The following PIBF1 variants were observed in gnomAD, a reference collection of about 807,000 sequenced individuals.
PIBF1 encodes the protein progesterone-induced-blocking factor 1.
A neutral mutation model predicts 112.5 loss-of-function variants in PIBF1; 90 were observed. That is an observed-to-expected ratio of 0.80 (90% confidence interval 0.67 to 0.95). PIBF1 has a LOEUF of 0.95. Ranked by LOEUF, PIBF1 falls within the 40% of genes least tolerant of loss-of-function variation. The pLI is 0.00. For synonymous variants in PIBF1, 301 were observed against 288.6 expected, an observed-to-expected ratio of 1.04 and a Z score of -0.44; for missense variants, 915 against 852.3, an observed-to-expected ratio of 1.07 and a Z score of -0.92.
intron 10 of PIBF1, 102 bp from the exon 11 acceptor site, chr13:72,893,682 C>T: frequency 3.3e-6 from 2 of 608,912 alleles, no homozygotes; most frequent in Non-Finnish European, 5.2e-6. Flanking sequence ...TTATTAACTC[C>T]ACAAATATGG....
At chr13:72,983,448 A>C (rs1411261987) in intron 16 of PIBF1, among the ~76,000 whole-genome samples, 2 of 152,226 alleles carry the variant, frequency 1.3e-5, no homozygotes, top group African/African-American at 4.8e-5. Context: ...AGTACTTAGA[A>C]TGTACAAGGC....
intron 16 of PIBF1, among the ~76,000 whole-genome samples, chr13:72,983,230 G>A (rs1330326305): frequency 6.6e-6 from 1 of 152,020 alleles, no homozygotes; most frequent in African/African-American, 2.4e-5. Flanking sequence ...AGCCCAGGAG[G>A]TCAAGGCTGC....
At chr13:72,981,579 A>G (rs968067988) in intron 16 of PIBF1, among the ~76,000 whole-genome samples, 3 of 151,952 alleles carry the variant, frequency 2.0e-5, no homozygotes, top group Non-Finnish European at 4.4e-5. Context: ...GATGTTTTCT[A>G]ATAGAAAGAG....
intron 16 of PIBF1, among the ~76,000 whole-genome samples, chr13:72,983,894 T>G (rs952733667): frequency 6.6e-6 from 1 of 152,228 alleles, no homozygotes; most frequent in South Asian, 2.1e-4. Flanking sequence ...TAATTTTTCT[T>G]TAAATGAAAA....
intron 15 of PIBF1, among the ~76,000 whole-genome samples, chr13:72,967,524 A>G (rs1394160918): frequency 1.3e-5 from 2 of 152,178 alleles, no homozygotes; most frequent in Non-Finnish European, 2.9e-5. Context: ...TCAATTTTAT[A>G]TCTGTCTGCT....
At chr13:72,971,871 G>A (rs1214906593) in intron 15 of PIBF1, among the ~76,000 whole-genome samples, 1 of 151,136 alleles carries the variant, frequency 6.6e-6, no homozygotes, top group Non-Finnish European at 1.5e-5. Flanking sequence ...TCGATTACTT[G>A]GAAGGAGAAG....
rs2039050286 is a variant in PIBF1 at position 72,869,162 on chromosome 13, C to T, written c.1322+15007C>T. 2.6e-5 allele frequency among the ~76,000 whole-genome samples: 4 copies of T among 152,274 alleles called. No homozygotes were observed. In the South Asian group the frequency reaches 8.3e-4, roughly 32 times the overall value. ...ATTCATGCTGCTATAAAGACACATG[C>T]ACACGTATGTTTATCACGGCATTAT... On this transcript the variant is annotated intron_variant, in intron 10 of 17. Transcript: ENST00000326291.
intron 8 of PIBF1, among the ~76,000 whole-genome samples, chr13:72,830,562 G>T (rs1388533562): frequency 6.6e-6 from 1 of 152,070 alleles, no homozygotes; most frequent in Non-Finnish European, 1.5e-5. Flanking sequence ...TTCTGTTTAT[G>T]TGATGGATTA....
At chr13:72,783,797 CA>C in intron 2 of PIBF1, 76 bp downstream of exon 2, 1 of 1,231,378 alleles carries the variant, frequency 8.1e-7, no homozygotes, top group Non-Finnish European at 1.2e-6. Flanking sequence ...ATTAAATACA[CA>C]CATTATCTGA....
chr13:72,962,524 A>T (rs753171624), intron 14 of PIBF1, among the ~76,000 whole-genome samples: 1 of 151,794 alleles, frequency 6.6e-6, no homozygotes, highest in Non-Finnish European at 1.5e-5. Context: ...ACTTGAGCCC[A>T]GGAGGTAGGC....
At chr13:72,877,189 A>C (rs919694564) in intron 10 of PIBF1, among the ~76,000 whole-genome samples, 1 of 152,050 alleles carries the variant, frequency 6.6e-6, no homozygotes, top group Non-Finnish European at 1.5e-5. Flanking sequence ...ACATTAATTG[A>C]TTTTCAAATT....
intron 17 of PIBF1, among the ~76,000 whole-genome samples, chr13:73,008,195 C>A (rs1046119259): frequency 6.6e-6 from 1 of 152,050 alleles, no homozygotes; most frequent in South Asian, 2.1e-4. Flanking sequence ...GTTCACCAAT[C>A]GAAGGATTGA....
At chr13:72,996,516 A>G (rs2043677877) in intron 16 of PIBF1, among the ~76,000 whole-genome samples, 1 of 152,210 alleles carries the variant, frequency 6.6e-6, no homozygotes, top group Non-Finnish European at 1.5e-5. Flanking sequence ...AGCCAGGTGC[A>G]GTGGCTCATG....
chr13:72,971,488 A>G lies in PIBF1; in HGVS notation c.1965-2103A>G, dbSNP rs565892608. Reference sequence around the variant, plus strand: ...CCTTTATACTGTTTTGTTCTTTTCAACTCCTCAGCTCTTGTGGGATCTCTG... The same window carrying G: ...CCTTTATACTGTTTTGTTCTTTTCAGCTCCTCAGCTCTTGTGGGATCTCTG... On this transcript the variant is annotated intron_variant, in intron 15 of 17. Coordinates refer to ENST00000326291, the MANE Select transcript of PIBF1 (RefSeq NM_006346.4). Among the ~76,000 whole-genome samples the G allele has an allele frequency of 6.7e-4, 102 of 151,662 alleles. 2 individuals are homozygous for G. The highest frequency in any genetic ancestry group is 7.5e-4 in the Non-Finnish European group (51 of 67,900).
chr13:72,827,155 A>T, intron 7 of PIBF1, 37 bp downstream of exon 7: 2 of 1,046,978 alleles, frequency 1.9e-6, no homozygotes, highest in Non-Finnish European at 2.7e-6. Flanking sequence ...ATTATATAGC[A>T]TAGTATTAGT....
At position 72,827,039 on chromosome 13, in the gene PIBF1, T is replaced by C. The variant is rs1383700515; in HGVS notation, c.836T>C (p.Ile279Thr). ...CGTGATGCACTTGAACAGGAAGTAA[T>C]TGAGCTTAGGAGAAAACATGAAATA... ...SERDALEQEV[I>T]ELRRKHEILE... is the part of the protein sequence containing the mutation. The change falls in exon 7 of 18, where the codon ATT becomes ACT. Residue 279 changes from isoleucine to threonine, a missense_variant. Transcript: ENST00000326291. The C allele has an allele frequency of 6.2e-7, 1 of 1,600,624 alleles. No individual in the cohort carries two copies. The highest frequency in any genetic ancestry group is 2.2e-5 in the East Asian group (1 of 44,554).
At position 72,927,984 on chromosome 13, in the gene PIBF1, T is replaced by C. The variant is rs374506013; in HGVS notation, c.1731-3181T>C. Among the ~76,000 whole-genome samples, 58 of 62,934 alleles carry C rather than the reference T, an allele frequency of 9.2e-4. 3 individuals carry two copies. The highest frequency in any genetic ancestry group is 4.0e-3 in the African/African-American group (57 of 14,342). The allele number at this position is 62,934 out of a possible 152,430, so 41.3% of individuals were successfully genotyped here. On this transcript the variant is annotated intron_variant, in intron 13 of 17. Coordinates refer to ENST00000326291, the MANE Select transcript of PIBF1 (RefSeq NM_006346.4). Reference sequence around the variant, plus strand: ...ACACATATATATATATATACATATATATATACACACACATATATATACATA... The same window carrying C: ...ACACATATATATATATATACATATACATATACACACACATATATATACATA...
At chr13:72,920,846 G>T (rs2041262342) in intron 13 of PIBF1, among the ~76,000 whole-genome samples, 1 of 151,970 alleles carries the variant, frequency 6.6e-6, no homozygotes, top group Non-Finnish European at 1.5e-5. Context: ...TAAGGCGAAT[G>T]ATAAAACAAC....
chr13:72,995,037 C>G (rs2043604206), intron 16 of PIBF1, among the ~76,000 whole-genome samples: 1 of 152,052 alleles, frequency 6.6e-6, no homozygotes, highest in South Asian at 2.1e-4. Flanking sequence ...TGCGGTGGCT[C>G]ACACCTGTAA....
Sources: allele counts gnomAD v4.1 joint callset (sites outside exome capture counted in the v4.1 genomes callset), GRCh38; gene constraint gnomAD v4.1.1; transcripts MANE v1.5; gene names NCBI Gene and HGNC (gene_info 2026-07-23, HGNC 2026-07-21).